Variants in PLEKHG6 observed in about 807,000 individuals in gnomAD.
The protein encoded by PLEKHG6 is pleckstrin homology and RhoGEF domain containing G6.
A neutral mutation model predicts 97.5 loss-of-function variants in PLEKHG6; 91 were observed. That is an observed-to-expected ratio of 0.93 (90% CI 0.79 to 1.11). PLEKHG6 has a LOEUF of 1.11. Ranked by LOEUF, PLEKHG6 falls within the 50% of genes most tolerant of loss-of-function variation. The probability of loss-of-function intolerance (pLI) is 0.00; values close to 1 mark genes in which losing one functional copy is unlikely to be tolerated. For synonymous variants in PLEKHG6, 466 were observed against 425.5 expected, an observed-to-expected ratio of 1.10 and a Z score of -1.17; for missense variants, 1,044 against 1,031.0, an observed-to-expected ratio of 1.01 and a Z score of -0.17.
intron 13 of PLEKHG6, among the ~76,000 whole-genome samples, chr12:6,322,369 A>G (rs1418016868): frequency 6.6e-6 from 1 of 152,220 alleles, no homozygotes; most frequent in African/African-American, 2.4e-5. Context: ...AAGACCTGGA[A>G]TTCAAGTGAA....
At position 6,318,787 on chromosome 12, in the gene PLEKHG6, A is replaced by G; in HGVS notation, c.1318A>G (p.Thr440Ala). ...CCTCTTCTCTGATGTGCTCCTTGTGACCAAGCCCCAGCGCAAGGCGGACAA... is the reference window on the plus strand; with the variant it reads ...CCTCTTCTCTGATGTGCTCCTTGTGGCCAAGCCCCAGCGCAAGGCGGACAA... The part of the protein sequence containing the change: ...LFLFSDVLLV[T>A]KPQRKADKAK... The change falls in exon 12 of 16, where the codon ACC becomes GCC. Residue 440 changes from threonine (T) to alanine (A), a missense_variant. Coordinates refer to ENST00000684764, the MANE Select transcript of PLEKHG6 (RefSeq NM_001384598.1). 1 of 1,613,640 alleles carries G rather than the reference A, an allele frequency of 6.2e-7. No individual in the cohort carries two copies. The highest frequency in any genetic ancestry group is 1.1e-5 in the South Asian group (1 of 91,050).
rs1947869451 is a variant in PLEKHG6, at chr12:6,326,694, G to A, written c.1670+121G>A. ...AATAGATAGAGGAACGCAGGCGTAG[G>A]GCAGGGTAGGGAAGCTCGGTACCAG... On this transcript the variant is annotated intron_variant, in intron 14 of 15. Transcript: ENST00000684764. The A allele has an allele frequency of 5.2e-6, 5 of 967,862 alleles. No homozygotes were observed. The South Asian group carries it at 8.3e-5, about 16-fold the overall frequency. 60.0% of individuals were successfully genotyped at this position (967,862 alleles called of 1,614,324 possible).
chr12:6,313,546 A>C, intron 2 of PLEKHG6, 83 bp from the exon 3 acceptor site: 2 of 1,509,218 alleles, frequency 1.3e-6, no homozygotes, highest in African/African-American at 2.8e-5. Context: ...CAACATCTAG[A>C]GCCAAGCCTG....
At position 6,312,251 on chromosome 12, in the gene PLEKHG6, G is replaced by C; in HGVS notation, c.25G>C (p.Glu9Gln). Residue 9 changes from glutamate (E) to glutamine (Q), a missense_variant, in exon 2 of 16, where the codon GAG becomes CAG. By Grantham distance (29) the Glu-to-Gln change is conservative. Transcript: ENST00000684764. ...GATGAAGGCCTTTGGTCCTCCACAT[G>C]AGGGCCCCCTCCAAGGACTCGTGGC... MKAFGPPHEGPLQGLVASR... is the reference protein window; with the variant it reads MKAFGPPHQGPLQGLVASR... The C allele has an allele frequency of 2.6e-6, 4 of 1,535,662 alleles. No individual in the cohort carries two copies. The highest frequency in any genetic ancestry group is 3.5e-6 in the Non-Finnish European group (4 of 1,148,336).
Position 6,326,541 on chromosome 12 carries a change from C to T in PLEKHG6, c.1638C>T (p.Ser546=). 6.3e-7 allele frequency: 1 copy of T among 1,575,812 alleles called. No individual in the cohort carries two copies. Among genetic ancestry groups the T allele is most frequent in the South Asian group, 1.2e-5 (1 of 86,176 alleles). ...CCAGCACCAGGCCCTCCACGCCTTCCCTGGAGGGCTCTCAGAGCAGCGCAG... is the reference window on the plus strand; with the variant it reads ...CCAGCACCAGGCCCTCCACGCCTTCTCTGGAGGGCTCTCAGAGCAGCGCAG... ...ESPSTRPSTP[S]LEGSQSSAEG... Residue 546 remains serine, a synonymous_variant, in exon 14 of 16, where the codon TCC becomes TCT. Coordinates refer to ENST00000684764, the MANE Select transcript of PLEKHG6 (RefSeq NM_001384598.1).
Position 6,315,524 on chromosome 12 carries a change from C to A in PLEKHG6, c.460-30C>A. The A allele has an allele frequency of 7.3e-7, 1 of 1,372,584 alleles. No homozygotes were observed. The highest frequency in any genetic ancestry group is 1.0e-6 in the Non-Finnish European group (1 of 996,284). 85.0% of individuals were successfully genotyped at this position (1,372,584 alleles called of 1,614,324 possible). A position where few individuals can be genotyped will look rare whatever the true frequency, so the allele number is the denominator to read the frequency against. On this transcript the variant is annotated intron_variant, in intron 4 of 15. Transcript: ENST00000684764. The surrounding 1 kb of genome is among the most constrained non-coding windows in gnomAD (Gnocchi z 4.5). ...TACTTGCCATTCTAATTATCATTCC[C>A]CAACTGAACCAGCATTCTCCCCACC... is the stretch of plus-strand genomic sequence containing the variant.
Position 6,316,156 on chromosome 12 carries a change from C to T in PLEKHG6, c.607-99C>T, listed in dbSNP as rs1947450340. ...CCCAGTTCATCCTTCTTCACCCCCG[C>T]CCCTGCTGTCCAAGCTTAAGGTCCT... is the stretch of plus-strand genomic sequence containing the variant. On this transcript the variant is annotated intron_variant, in intron 6 of 15. Coordinates refer to ENST00000684764, the MANE Select transcript of PLEKHG6 (RefSeq NM_001384598.1). The surrounding 1 kb of genome is among the most constrained non-coding windows in gnomAD (Gnocchi z 4.1). 8.2e-7 allele frequency: 1 copy of T among 1,217,642 alleles called. No homozygotes were observed. Among genetic ancestry groups the T allele is most frequent in the African/African-American group, 1.5e-5 (1 of 65,458 alleles). The allele number at this position is 1,217,642 out of a possible 1,614,324, so 75.4% of individuals were successfully genotyped here. A position where few individuals can be genotyped will look rare whatever the true frequency, so the allele number is the denominator to read the frequency against.
upstream of PLEKHG6, chr12:6,310,378 G>A (rs533735016): frequency 1.3e-5 from 2 of 152,688 alleles, no homozygotes; most frequent in South Asian, 4.1e-4. Context: ...GCCACAGGTT[G>A]TCACCCTCGC....
rs1418710643 is a variant in PLEKHG6 at position 6,317,613 on chromosome 12, C to T, written c.934C>T (p.Arg312Cys). ...LCDLLIKPHQ[R>C]ITKYPLLLHA... ...TGACTTGCTTATCAAGCCCCACCAGCGCATCACCAAGTACCCACTGCTGCT... is the reference window on the plus strand; with the variant it reads ...TGACTTGCTTATCAAGCCCCACCAGTGCATCACCAAGTACCCACTGCTGCT... Residue 312 changes from arginine to cysteine, a missense_variant, in exon 9 of 16, where the codon CGC (arginine) becomes TGC (cysteine). Transcript: ENST00000684764. The T allele has an allele frequency of 6.2e-7, 1 of 1,613,968 alleles. No individual in the cohort carries two copies. Among genetic ancestry groups the T allele is most frequent in the South Asian group, 1.1e-5 (1 of 91,084 alleles).
rs34003829 is a variant in PLEKHG6, at chr12:6,327,274, T to C, written c.1691T>C (p.Ile564Thr). The change falls in exon 15 of 16, where the codon ATT (isoleucine) becomes ACT (threonine). Residue 564 changes from isoleucine (I) to threonine (T), a missense_variant. Coordinates refer to ENST00000684764, the MANE Select transcript of PLEKHG6 (RefSeq NM_001384598.1). ...TGTAGGACTCCTGAGTTCTCGACCA[T>C]TATCCCCCACCTGGTGGTGACAGAA... ...AEGRTPEFST[I>T]IPHLVVTEDT... 5.6e-6 allele frequency: 9 copies of C among 1,602,278 alleles called. No individual in the cohort carries two copies. In the African/African-American group the frequency reaches 1.2e-4, roughly 21 times the overall value.
chr12:6,327,980 G>A (rs1251350718), intron 15 of PLEKHG6, 34 bp downstream of exon 15: 1 of 1,514,348 alleles, frequency 6.6e-7, no homozygotes, highest in Non-Finnish European at 8.9e-7. Context: ...CTGGGAGGGG[G>A]CAGACGGGGA....
In PLEKHG6 at chr12:6,312,203, TGGAGGTGACCCA is replaced by T. The variant is rs752638002; in HGVS notation, c.-19_-8del. 1 of 1,465,356 alleles carries T rather than the reference TGGAGGTGACCCA, an allele frequency of 6.8e-7. No homozygotes were observed. Among genetic ancestry groups the T allele is most frequent in the Admixed American group, 2.8e-5 (1 of 35,326 alleles). 90.8% of individuals were successfully genotyped at this position (1,465,356 alleles called of 1,614,324 possible). The stretch of plus-strand genomic sequence containing the variant: ...CCTGGACATTGAAGATATGGCCCTT[TGGAGGTGACCCA>T]GGAGAGAAGGGATGAAGGCCTTTGG... On this transcript the variant is annotated 5_prime_UTR_variant, in exon 2 of 16. An upstream open reading frame in the 5' UTR loses its in-frame stop. Coordinates refer to ENST00000684764, the MANE Select transcript of PLEKHG6 (RefSeq NM_001384598.1).
At chr12:6,321,860 G>C (rs1488693550) in intron 13 of PLEKHG6, among the ~76,000 whole-genome samples, 3 of 149,510 alleles carry the variant, frequency 2.0e-5, no homozygotes, top group African/African-American at 7.4e-5. Context: ...GAAGAGAAGG[G>C]GGAGCCTTAG....
At chr12:6,318,613 C>A in intron 11 of PLEKHG6, 132 bp from the exon 12 acceptor site, 1 of 1,195,878 alleles carries the variant, frequency 8.4e-7, no homozygotes, top group Non-Finnish European at 1.2e-6. Flanking sequence ...AGCGACGCCC[C>A]TGGCCACTCC....
In PLEKHG6 at chr12:6,316,158, C is replaced by A; in HGVS notation, c.607-97C>A. 8.1e-7 allele frequency: 1 copy of A among 1,237,516 alleles called. No individual in the cohort carries two copies. Among genetic ancestry groups the A allele is most frequent in the Non-Finnish European group, 1.1e-6 (1 of 903,896 alleles). The allele number at this position is 1,237,516 out of a possible 1,614,324, so 76.7% of individuals were successfully genotyped here. ...CAGTTCATCCTTCTTCACCCCCGCC[C>A]CTGCTGTCCAAGCTTAAGGTCCTCA... On this transcript the variant is annotated intron_variant, in intron 6 of 15. Transcript: ENST00000684764. The surrounding 1 kb of genome is among the most constrained non-coding windows in gnomAD (Gnocchi z 4.1).
chr12:6,321,565 G>T (rs78691542), intron 13 of PLEKHG6, among the ~76,000 whole-genome samples: 1 of 151,538 alleles, frequency 6.6e-6, no homozygotes, highest in African/African-American at 2.4e-5. Flanking sequence ...GAGGCCGGGC[G>T]CGGTGGCTCA....
Position 6,313,707 on chromosome 12 carries a change from A to C in PLEKHG6, c.217A>C (p.Arg73=). 4 of 1,613,312 alleles carry C rather than the reference A, an allele frequency of 2.5e-6. No homozygotes were observed. The highest frequency in any genetic ancestry group is 3.4e-6 in the Non-Finnish European group (4 of 1,179,758). The part of the protein sequence containing the change: ...SGQARGLSPM[R]LRDPEPEKRH... ...CCAGGCCCGAGGCCTGTCACCCATG[A>C]GACTGCGAGATCCAGAGCCCGAGAA... is the stretch of plus-strand genomic sequence containing the variant. Residue 73 remains arginine, a synonymous_variant, in exon 3 of 16, where the codon AGA becomes CGA. Coordinates refer to ENST00000684764, the MANE Select transcript of PLEKHG6 (RefSeq NM_001384598.1).
In PLEKHG6 at chr12:6,316,437, G is replaced by T; in HGVS notation, c.756+33G>T. 4.5e-6 allele frequency: 7 copies of T among 1,541,286 alleles called. No individual in the cohort carries two copies. The highest frequency in any genetic ancestry group is 6.1e-6 in the Non-Finnish European group (7 of 1,140,380). On this transcript the variant is annotated intron_variant, in intron 7 of 15. Transcript: ENST00000684764. This position sits in a 1 kb window ranked among gnomAD's most constrained non-coding sequence, Gnocchi z 4.1. Reference sequence around the variant, plus strand: ...CTGTGAAGGGCTGTGTCTGGATGGGGCAGGACTCGGAGCCCTCGGGGGTCC... The same window carrying T: ...CTGTGAAGGGCTGTGTCTGGATGGGTCAGGACTCGGAGCCCTCGGGGGTCC...
rs751864078 is a variant in PLEKHG6, at chr12:6,327,286, T to G, written c.1703T>G (p.Leu568Arg). 1 of 1,608,716 alleles carries G rather than the reference T, an allele frequency of 6.2e-7. No homozygotes were observed. Among genetic ancestry groups the G allele is most frequent in the Non-Finnish European group, 8.5e-7 (1 of 1,176,532 alleles). Residue 568 changes from leucine to arginine, a missense_variant, in exon 15 of 16, where the codon CTG becomes CGG. Transcript: ENST00000684764. ...TPEFSTIIPH[L>R]VVTEDTDEDA... ...GAGTTCTCGACCATTATCCCCCACC[T>G]GGTGGTGACAGAAGACACAGATGAA...
Sources: gnomAD v4.1 joint callset for allele counts (sites outside exome capture counted in the v4.1 genomes callset) on GRCh38, gnomAD v4.1.1 for gene constraint, Gnocchi (gnomAD v3.1) non-coding constraint, MANE v1.5 for transcripts, NCBI Gene and HGNC (gene_info 2026-07-23, HGNC 2026-07-21) for gene names.